Variants in NKAIN3 observed in about 807,000 individuals in gnomAD.
NKAIN3 encodes the protein sodium/potassium-transporting ATPase subunit beta-1-interacting protein 3.
NKAIN3 carries 25 observed loss-of-function variants against 30.2 expected under a neutral mutation model. That is an observed-to-expected ratio of 0.83 (90% CI 0.60 to 1.16). The LOEUF (loss-of-function observed/expected upper bound fraction) is 1.16, where lower values mean the gene tolerates loss of function less well. NKAIN3 is among the 50% of genes most tolerant of loss of function. The pLI, the probability that NKAIN3 is intolerant of heterozygous loss-of-function variation, is 0.00. For missense variants in NKAIN3, 225 were observed against 254.1 expected, an observed-to-expected ratio of 0.89 and a Z score of 0.78; for synonymous variants, 91 against 89.6, an observed-to-expected ratio of 1.02 and a Z score of -0.09.
intron 3 of NKAIN3, among the ~76,000 whole-genome samples, chr8:62,631,691 T>G (rs1203751415): frequency 6.6e-6 from 1 of 152,130 alleles, no homozygotes; most frequent in Admixed American, 6.6e-5. Context: ...CTTTCACATC[T>G]CCAGAACAAT....
chr8:62,582,790 T>C (rs1051392025), intron 2 of NKAIN3, among the ~76,000 whole-genome samples: 4 of 151,886 alleles, frequency 2.6e-5, no homozygotes, highest in African/African-American at 9.7e-5. Context: ...GCGCAGGTTC[T>C]GGGGCTCTCT....
At chr8:62,381,895 C>T (rs187363803) in intron 1 of NKAIN3, among the ~76,000 whole-genome samples, 1 of 152,180 alleles carries the variant, frequency 6.6e-6, no homozygotes, top group African/African-American at 2.4e-5. Context: ...TCCATCAATT[C>T]TAAGTTTAAA....
At chr8:62,481,226 T>C (rs1389022851) in intron 1 of NKAIN3, among the ~76,000 whole-genome samples, 1 of 152,152 alleles carries the variant, frequency 6.6e-6, no homozygotes, top group African/African-American at 2.4e-5. Flanking sequence ...CCTCATCTCA[T>C]ACTTAATGCT....
intron 1 of NKAIN3, among the ~76,000 whole-genome samples, chr8:62,316,882 A>G (rs2129589066): frequency 6.6e-6 from 1 of 152,360 alleles, no homozygotes; most frequent in East Asian, 1.9e-4. Flanking sequence ...GAACTAGATT[A>G]CAGTCTAACC....
At chr8:62,865,370 G>T (rs1031452946) in intron 4 of NKAIN3, among the ~76,000 whole-genome samples, 1 of 152,152 alleles carries the variant, frequency 6.6e-6, no homozygotes, top group Non-Finnish European at 1.5e-5. Context: ...GGACATAAAC[G>T]GTGACTCTCA....
rs532684742 is a variant in NKAIN3 at position 62,533,062 on chromosome 8, G to A, written c.55-46477G>A. 2.0e-5 allele frequency among the ~76,000 whole-genome samples: 3 copies of A among 152,216 alleles called. No individual in the cohort carries two copies. The South Asian group carries it at 6.2e-4, about 32-fold the overall frequency. ...GCTCTGACATTCTAGTGGTGTGGGG[G>A]AGACAACAGAAATAAATCAGATACA... On this transcript the variant is annotated intron_variant, in intron 1 of 6. Coordinates refer to ENST00000623646, the MANE Select transcript of NKAIN3 (RefSeq NM_001304533.3).
chr8:62,588,476 C>T (rs56654046), intron 2 of NKAIN3, among the ~76,000 whole-genome samples: 2,807 of 151,618 alleles, frequency 0.019, 82 homozygotes, highest in African/African-American at 0.065. Flanking sequence ...TTAAATGTAA[C>T]CAGTTATAGG....
At chr8:62,746,618 A>T (rs1816079275) in intron 3 of NKAIN3, among the ~76,000 whole-genome samples, 1 of 152,252 alleles carries the variant, frequency 6.6e-6, no homozygotes, top group Admixed American at 6.5e-5. Context: ...GAAAATGCAG[A>T]CAAAAGTTTC....
chr8:62,624,770 T>A (rs186846002), intron 3 of NKAIN3, among the ~76,000 whole-genome samples: 78 of 151,536 alleles, frequency 5.1e-4, no homozygotes, highest in African/African-American at 1.7e-3. Context: ...GTCCCATGGT[T>A]CTTGAACATT....
chr8:62,431,151 G>A (rs1804983753), intron 1 of NKAIN3, among the ~76,000 whole-genome samples: 1 of 151,720 alleles, frequency 6.6e-6, no homozygotes, highest in African/African-American at 2.4e-5. Context: ...AATGATTTTT[G>A]TCACATCCAA....
intron 5 of NKAIN3, among the ~76,000 whole-genome samples, chr8:62,919,183 G>C (rs532564926): frequency 1.4e-5 from 2 of 146,114 alleles, no homozygotes; most frequent in African/African-American, 2.5e-5. Context: ...ACACTTCTTG[G>C]CACAACTCTG....
At chr8:62,495,543 CAGAG>C (rs1292071310) in intron 1 of NKAIN3, among the ~76,000 whole-genome samples, 2 of 145,160 alleles carry the variant, frequency 1.4e-5, no homozygotes, top group Non-Finnish European at 3.0e-5. Context: ...AACAATGAGA[CAGAG>C]AGTATATATA....
At chr8:62,922,262 C>G (rs1351856942) in intron 5 of NKAIN3, among the ~76,000 whole-genome samples, 1 of 152,164 alleles carries the variant, frequency 6.6e-6, no homozygotes, top group Non-Finnish European at 1.5e-5. Flanking sequence ...TTCCTGCTGG[C>G]TAATGTTCAT....
rs1055858354 is a variant in NKAIN3 at position 62,968,606 on chromosome 8, G to T, written c.*3199G>T. Reference sequence around the variant, plus strand: ...CAGAAGTGGCCCTGGCAAAACTGAAGATAGGACATCCACTGCTCTTTAGCT... The same window carrying T: ...CAGAAGTGGCCCTGGCAAAACTGAATATAGGACATCCACTGCTCTTTAGCT... On this transcript the variant is annotated 3_prime_UTR_variant, in exon 7 of 7. Coordinates refer to ENST00000623646, the MANE Select transcript of NKAIN3 (RefSeq NM_001304533.3). Among the ~76,000 whole-genome samples, 2 of 152,226 alleles carry T rather than the reference G, an allele frequency of 1.3e-5. No homozygotes were observed. The highest frequency in any genetic ancestry group is 2.9e-5 in the Non-Finnish European group (2 of 68,044).
chr8:62,687,379 A>T (rs377374232), intron 3 of NKAIN3, among the ~76,000 whole-genome samples: 2 of 152,296 alleles, frequency 1.3e-5, no homozygotes, highest in Admixed American at 6.5e-5. Context: ...TCTTTCTCCC[A>T]GCGTTGTGTC....
At chr8:62,610,548 C>CAA in intron 3 of NKAIN3, among the ~76,000 whole-genome samples, 1 of 152,104 alleles carries the variant, frequency 6.6e-6, no homozygotes, top group Admixed American at 6.5e-5. Flanking sequence ...CTCAGAAACT[C>CAA]AAAGTTTTCT....
chr8:62,465,420 G>C (rs1563411013), intron 1 of NKAIN3, among the ~76,000 whole-genome samples: 2 of 152,070 alleles, frequency 1.3e-5, no homozygotes, highest in African/African-American at 2.4e-5. Context: ...AAAAAAACAA[G>C]GGCCTAATTA....
At chr8:62,881,224 CATCATTATAGT>C (rs1820970994) in intron 4 of NKAIN3, among the ~76,000 whole-genome samples, 1 of 152,114 alleles carries the variant, frequency 6.6e-6, no homozygotes, top group African/African-American at 2.4e-5. Context: ...GACCTCCATC[CATCATTATAGT>C]ATCATACAGA....
intron 1 of NKAIN3, among the ~76,000 whole-genome samples, chr8:62,558,527 T>C (rs1042010625): frequency 6.6e-6 from 1 of 152,128 alleles, no homozygotes; most frequent in Non-Finnish European, 1.5e-5. Context: ...ATATTGAGTC[T>C]ACCCATCCAT....
Sources: allele counts gnomAD v4.1 joint callset (sites outside exome capture counted in the v4.1 genomes callset), GRCh38; gene constraint gnomAD v4.1.1; transcripts MANE v1.5; gene names NCBI Gene and HGNC (gene_info 2026-07-23, HGNC 2026-07-21).